EBF1: variants seen among roughly 807,000 people sequenced by gnomAD.
The protein encoded by EBF1 is transcription factor COE1.
In EBF1, 10 loss-of-function variants were observed where a neutral mutation model predicts 68.4. The observed-to-expected ratio is 0.15, with a 90% CI of 0.09 to 0.25. EBF1 has a LOEUF of 0.25. Ranked by LOEUF, EBF1 falls within the 10% of genes least tolerant of loss-of-function variation. The probability of loss-of-function intolerance (pLI) is 1.00; values close to 1 mark genes in which losing one functional copy is unlikely to be tolerated. For missense variants in EBF1, 509 were observed against 794.4 expected (o/e 0.64, Z 4.32); for synonymous variants, 298 against 299.8 (o/e 0.99, Z 0.06).
chr5:158,917,904 G>A (rs1356345155), intron 6 of EBF1, among the ~76,000 whole-genome samples: 2 of 152,140 alleles, frequency 1.3e-5, no homozygotes, highest in African/African-American at 4.8e-5. Context: ...GATATCCCAT[G>A]AGGTCATCTT....
At chr5:158,924,852 C>CAA (rs34744460) in intron 6 of EBF1, among the ~76,000 whole-genome samples, 9,627 of 50,468 alleles carry the variant, frequency 0.19, 1,316 homozygotes, top group East Asian at 0.5. Flanking sequence ...GACTCTGTCT[C>CAA]AAAAAAAAAA....
At chr5:158,946,743 G>A (rs915170973) in intron 6 of EBF1, among the ~76,000 whole-genome samples, 19 of 152,236 alleles carry the variant, frequency 1.2e-4, no homozygotes, top group African/African-American at 4.3e-4. Context: ...TCTCTTCAGA[G>A]CCAGCAGGCA....
chr5:159,005,414 T>C (rs1484146552), intron 6 of EBF1, among the ~76,000 whole-genome samples: 1 of 152,180 alleles, frequency 6.6e-6, no homozygotes, highest in Non-Finnish European at 1.5e-5. Context: ...ACACTGATAA[T>C]GTACATAGAA....
At chr5:158,829,494 A>G (rs753388593) in intron 7 of EBF1, among the ~76,000 whole-genome samples, 1 of 151,172 alleles carries the variant, frequency 6.6e-6, no homozygotes, top group Non-Finnish European at 1.5e-5. Context: ...CCACAAAACT[A>G]TGGATTTTAA....
At chr5:158,904,161 C>T (rs1046306284) in intron 6 of EBF1, among the ~76,000 whole-genome samples, 1 of 152,186 alleles carries the variant, frequency 6.6e-6, no homozygotes, top group Admixed American at 6.5e-5. Flanking sequence ...CAGAGCCAAT[C>T]TGAGTTCAAA....
At chr5:158,744,074 G>C (rs1223907828) in intron 10 of EBF1, among the ~76,000 whole-genome samples, 1 of 152,016 alleles carries the variant, frequency 6.6e-6, no homozygotes, top group African/African-American at 2.4e-5. Flanking sequence ...GGGAGGCTGA[G>C]GCAGGAGAAT....
intron 10 of EBF1, among the ~76,000 whole-genome samples, chr5:158,745,521 C>T (rs537634100): frequency 6.6e-6 from 1 of 152,266 alleles, no homozygotes; most frequent in South Asian, 2.1e-4. Context: ...TACCAAGTCT[C>T]CATGTAAAAG....
At chr5:158,867,573 A>G (rs1055213437) in intron 6 of EBF1, among the ~76,000 whole-genome samples, 2 of 152,158 alleles carry the variant, frequency 1.3e-5, no homozygotes, top group Non-Finnish European at 2.9e-5. Flanking sequence ...AGGGGCAAAG[A>G]AGGCCTGAGA....
At chr5:158,918,732 G>A (rs1807752633) in intron 6 of EBF1, among the ~76,000 whole-genome samples, 1 of 152,140 alleles carries the variant, frequency 6.6e-6, no homozygotes, top group Non-Finnish European at 1.5e-5. Flanking sequence ...GGAGAGAATG[G>A]ACTAACACTG....
chr5:159,061,729 G>GT lies in EBF1; in HGVS notation c.554+11666dup, dbSNP rs59750224. Among the ~76,000 whole-genome samples, 4,695 of 145,296 alleles carry GT rather than the reference G, an allele frequency of 0.032. 472 individuals are homozygous for GT. The East Asian group carries it at 0.4, about 12-fold the overall frequency. The stretch of plus-strand genomic sequence containing the variant: ...TGACACATCACAATGAGATTGTTTT[G>GT]TTTTTTTTTTTTTTACGTTTCAATC... On this transcript the variant is annotated intron_variant, in intron 6 of 15. Transcript: ENST00000313708.
At chr5:158,984,050 G>C (rs1168925683) in intron 6 of EBF1, among the ~76,000 whole-genome samples, 1 of 152,004 alleles carries the variant, frequency 6.6e-6, no homozygotes, top group Non-Finnish European at 1.5e-5. Context: ...TTAGTTAGAA[G>C]CTTATTTGCC....
At chr5:159,017,258 CTCACAGACTAATT>C (rs1765794315) in intron 6 of EBF1, among the ~76,000 whole-genome samples, 1 of 152,242 alleles carries the variant, frequency 6.6e-6, no homozygotes, top group South Asian at 2.1e-4. Flanking sequence ...AAACCAGCAA[CTCACAGACTAATT>C]TTGTTTTGCT....
intron 4 of EBF1, among the ~76,000 whole-genome samples, chr5:159,090,059 T>G (rs1200933950): frequency 6.6e-6 from 1 of 152,056 alleles, no homozygotes; most frequent in African/African-American, 2.4e-5. Context: ...AATAAGTTCA[T>G]GAATGCACAA....
rs145747405 is a variant in EBF1 at position 158,737,537 on chromosome 5, G to T, written c.1037-6380C>A. On this transcript the variant is annotated intron_variant, in intron 10 of 15. Coordinates refer to ENST00000313708, the MANE Select transcript of EBF1 (RefSeq NM_024007.5). ...CTGACCTCGTGATCCGCCCGCTTCG[G>T]CCTCCCAAAGTGCTGGGATTACAAC... is the stretch of plus-strand genomic sequence containing the variant. Among the ~76,000 whole-genome samples, 1,118 of 151,994 alleles carry T rather than the reference G, an allele frequency of 7.4e-3. 13 individuals carry two copies. Among genetic ancestry groups the T allele is most frequent in the African/African-American group, 0.025 (1,032 of 41,434 alleles).
intron 6 of EBF1, among the ~76,000 whole-genome samples, chr5:159,067,884 A>C (rs1270049520): frequency 1.3e-5 from 2 of 152,126 alleles, no homozygotes; most frequent in Non-Finnish European, 2.9e-5. Context: ...AACCAAAAAC[A>C]CAATAATTAT....
chr5:159,025,520 G>T (rs906199079), intron 6 of EBF1, among the ~76,000 whole-genome samples: 1 of 152,154 alleles, frequency 6.6e-6, no homozygotes, highest in African/African-American at 2.4e-5. Context: ...TATCCACACC[G>T]CTTTATTGTT....
At chr5:158,732,410 G>C (rs1309864782) in intron 10 of EBF1, among the ~76,000 whole-genome samples, 1 of 152,054 alleles carries the variant, frequency 6.6e-6, no homozygotes, top group Non-Finnish European at 1.5e-5. Flanking sequence ...TCAAAATACA[G>C]GTATGATAAT....
chr5:158,928,009 C>T (rs996047707), intron 6 of EBF1, among the ~76,000 whole-genome samples: 3 of 152,202 alleles, frequency 2.0e-5, no homozygotes, highest in African/African-American at 7.2e-5. Context: ...CTATAATGTT[C>T]TAAAAAGTTG....
intron 8 of EBF1, among the ~76,000 whole-genome samples, chr5:158,802,307 G>C (rs1414401058): frequency 6.6e-6 from 1 of 152,060 alleles, no homozygotes; most frequent in African/African-American, 2.4e-5. Context: ...TATATTGTTT[G>C]GCTTTTTTCT....
Sources: allele counts gnomAD v4.1 joint callset (sites outside exome capture counted in the v4.1 genomes callset), GRCh38; gene constraint gnomAD v4.1.1; transcripts MANE v1.5; gene names NCBI Gene and HGNC (gene_info 2026-07-23, HGNC 2026-07-21).